KCNIP1: variants seen among roughly 807,000 people sequenced by gnomAD.
KCNIP1 encodes A-type potassium channel modulatory protein KCNIP1.
Under a neutral mutation model 33.0 loss-of-function variants are expected in KCNIP1, and 18 were observed. The observed-to-expected ratio is 0.55, with a 90% CI of 0.38 to 0.81. The LOEUF is 0.81. Among genes scored for constraint, KCNIP1 ranks in the 30% least tolerant of loss-of-function variants. KCNIP1 has a pLI of 0.00. For synonymous variants in KCNIP1, 93 were observed against 98.3 expected (o/e 0.95, Z 0.32); for missense variants, 238 against 271.6 (o/e 0.88, Z 0.87).
intron 1 of KCNIP1, chr5:170,385,286 G>T (rs746439777): frequency 6.2e-7 from 1 of 1,613,454 alleles, no homozygotes; most frequent in Admixed American, 1.7e-5. Context: ...GAGGGTTGGG[G>T]GGTGGGCAGG....
upstream of KCNIP1, among the ~76,000 whole-genome samples, chr5:170,502,604 G>C (rs928007980): frequency 6.6e-6 from 1 of 152,182 alleles, no homozygotes; most frequent in African/African-American, 2.4e-5. Flanking sequence ...CTGTCTGTGT[G>C]TACAATAGCA....
intron 1 of KCNIP1, among the ~76,000 whole-genome samples, chr5:170,595,318 G>A (rs1187352118): frequency 6.6e-6 from 1 of 152,262 alleles, no homozygotes; most frequent in East Asian, 1.9e-4. Context: ...GGACCAGGGA[G>A]CTGCGTCTGA....
chr5:170,735,869 G>T lies in KCNIP1; in HGVS notation c.*63G>T. 7.2e-7 allele frequency: 1 copy of T among 1,391,474 alleles called. No homozygotes were observed. Among genetic ancestry groups the T allele is most frequent in the Non-Finnish European group, 1.0e-6 (1 of 979,390 alleles). The allele number at this position is 1,391,474 out of a possible 1,614,324, so 86.2% of individuals were successfully genotyped here. ...TACTAAACAACCACCTTAACACCCTGATCTGCCCTTGTTCTGATTTTACAC... is the reference window on the plus strand; with the variant it reads ...TACTAAACAACCACCTTAACACCCTTATCTGCCCTTGTTCTGATTTTACAC... On this transcript the variant is annotated 3_prime_UTR_variant, in exon 8 of 8. Coordinates refer to ENST00000328939, the MANE Select transcript of KCNIP1 (RefSeq NM_014592.4).
chr5:170,663,886 C>G (rs1216455698), intron 1 of KCNIP1, among the ~76,000 whole-genome samples: 1 of 150,442 alleles, frequency 6.6e-6, no homozygotes. Context: ...TCCTCCAGCC[C>G]TGTGTACACT....
intron 1 of KCNIP1, among the ~76,000 whole-genome samples, chr5:170,362,206 C>T (rs754950477): frequency 1.3e-5 from 2 of 152,168 alleles, no homozygotes; most frequent in East Asian, 1.9e-4. Context: ...GACGGGGGAC[C>T]GGCCTGCTTG....
chr5:170,431,449 G>A (rs917768660), intron 1 of KCNIP1, among the ~76,000 whole-genome samples: 1 of 152,158 alleles, frequency 6.6e-6, no homozygotes, highest in Non-Finnish European at 1.5e-5. Context: ...GATTTTAGGT[G>A]GTGGTGAGAA....
intron 1 of KCNIP1, among the ~76,000 whole-genome samples, chr5:170,610,600 C>T (rs1229049955): frequency 2.0e-5 from 3 of 152,238 alleles, no homozygotes; most frequent in Non-Finnish European, 2.9e-5. Context: ...CTTTCATTAA[C>T]TGAGTGACCT....
At chr5:170,676,878 G>T (rs1196161635) in intron 1 of KCNIP1, among the ~76,000 whole-genome samples, 1 of 152,186 alleles carries the variant, frequency 6.6e-6, no homozygotes, top group Non-Finnish European at 1.5e-5. Context: ...ATACTCAAGT[G>T]AAGTTTAAGC....
chr5:170,619,530 T>C (rs1057260502), intron 1 of KCNIP1, among the ~76,000 whole-genome samples: 1 of 152,138 alleles, frequency 6.6e-6, no homozygotes, highest in Non-Finnish European at 1.5e-5. Context: ...AAATCAGACC[T>C]GGGGTGAAGG....
intron 1 of KCNIP1, among the ~76,000 whole-genome samples, chr5:170,517,172 G>A (rs1257029909): frequency 6.6e-6 from 1 of 152,146 alleles, no homozygotes; most frequent in Non-Finnish European, 1.5e-5. Context: ...ACTTACAACT[G>A]TGGCAGAAGG....
intron 1 of KCNIP1, among the ~76,000 whole-genome samples, chr5:170,699,556 G>GAAAAAAAAAA (rs35103942): frequency 8.9e-6 from 1 of 111,962 alleles, no homozygotes. Flanking sequence ...ATTGCTCTGT[G>GAAAAAAAAAA]AAAAAAAAAA....
rs1755381231 is a variant in KCNIP1, at chr5:170,418,121, T to C, written c.88+64157T>C. ...CCAAAACTTCTGAAATCAACCTCAG[T>C]AATGTTTCCTTCAAATAACCCCTTC... On this transcript the variant is annotated intron_variant, in intron 1 of 7. Transcript: ENST00000377360. 2.0e-5 allele frequency among the ~76,000 whole-genome samples: 3 copies of C among 152,216 alleles called. No individual in the cohort carries two copies. The South Asian group carries it at 6.2e-4, about 32-fold the overall frequency.
chr5:170,600,198 C>G (rs1210637578), intron 1 of KCNIP1, among the ~76,000 whole-genome samples: 1 of 152,136 alleles, frequency 6.6e-6, no homozygotes, highest in African/African-American at 2.4e-5. Flanking sequence ...CCTTACGCTA[C>G]TGTTCTTAAT....
chr5:170,538,260 C>A (rs1554099404), intron 1 of KCNIP1, among the ~76,000 whole-genome samples: 1 of 152,202 alleles, frequency 6.6e-6, no homozygotes, highest in Non-Finnish European at 1.5e-5. Context: ...CTCACAACTG[C>A]TCTGAGGCAC....
Position 170,613,868 on chromosome 5 carries a change from C to T in KCNIP1, c.62-104890C>T, listed in dbSNP as rs2113623361. ...GTGTCATGTGAATCCTTCACAGGGGCCACTTGGTGTCTGTGTGGCTGGCTC... is the reference window on the plus strand; with the variant it reads ...GTGTCATGTGAATCCTTCACAGGGGTCACTTGGTGTCTGTGTGGCTGGCTC... On this transcript the variant is annotated intron_variant, in intron 1 of 7. Coordinates refer to ENST00000328939, the MANE Select transcript of KCNIP1 (RefSeq NM_014592.4). Among the ~76,000 whole-genome samples the T allele has an allele frequency of 2.0e-5, 3 of 152,308 alleles. 1 individual carries two copies. Among genetic ancestry groups the T allele is most frequent in the Admixed American group, 2.0e-4 (3 of 15,298 alleles).
At chr5:170,705,565 C>T (rs993828930) in intron 1 of KCNIP1, among the ~76,000 whole-genome samples, 1 of 152,182 alleles carries the variant, frequency 6.6e-6, no homozygotes, top group Non-Finnish European at 1.5e-5. Context: ...CACCCACAGA[C>T]CCCCTGTTCT....
intron 1 of KCNIP1, among the ~76,000 whole-genome samples, chr5:170,647,481 T>C (rs932601858): frequency 4.0e-5 from 6 of 150,868 alleles, no homozygotes; most frequent in African/African-American, 1.5e-4. Context: ...ATGAATAGAG[T>C]TGACTGATCT....
At chr5:170,444,209 G>A (rs1046931785) in intron 1 of KCNIP1, among the ~76,000 whole-genome samples, 3 of 152,108 alleles carry the variant, frequency 2.0e-5, no homozygotes, top group Middle Eastern at 3.2e-3. Flanking sequence ...GGCTGGATCC[G>A]GGTGTTGGCA....
At chr5:170,413,900 G>A (rs1378076879) in intron 1 of KCNIP1, among the ~76,000 whole-genome samples, 5 of 144,602 alleles carry the variant, frequency 3.5e-5, no homozygotes, top group African/African-American at 1.3e-4. Flanking sequence ...TTGTCCAACT[G>A]TATCTGCTAC....
Sources: gnomAD v4.1 joint callset for allele counts (sites outside exome capture counted in the v4.1 genomes callset) on GRCh38, gnomAD v4.1.1 for gene constraint, MANE v1.5 for transcripts, NCBI Gene and HGNC (gene_info 2026-07-23, HGNC 2026-07-21) for gene names.